The following TMEM232 variants were observed in gnomAD, a reference collection of about 807,000 sequenced individuals.
The protein encoded by TMEM232 is transmembrane protein 232.
In TMEM232, 80 loss-of-function variants were observed where a neutral mutation model predicts 78.8. The ratio of observed to expected loss-of-function variants is 1.01; its 90% CI spans 0.85 to 1.22. TMEM232 has a LOEUF of 1.22. TMEM232 is among the 50% of genes most tolerant of loss of function. The pLI is 0.00. For missense variants in TMEM232, 881 were observed against 742.2 expected (o/e 1.19, Z -2.17); for synonymous variants, 297 against 254.3 (o/e 1.17, Z -1.60).
intron 12 of TMEM232, among the ~76,000 whole-genome samples, chr5:110,528,352 G>T (rs1275400771): frequency 6.6e-6 from 1 of 151,558 alleles, no homozygotes; most frequent in African/African-American, 2.4e-5. Flanking sequence ...TACCTCACAA[G>T]AATTACATTA....
At chr5:110,538,725 G>T (rs1319414580) in intron 11 of TMEM232, among the ~76,000 whole-genome samples, 1 of 152,102 alleles carries the variant, frequency 6.6e-6, no homozygotes, top group East Asian at 1.9e-4. Flanking sequence ...GGGGCCTGGG[G>T]TCTTCCTCAC....
intron 1 of TMEM232, among the ~76,000 whole-genome samples, chr5:110,715,352 T>C (rs1404905573): frequency 1.3e-5 from 2 of 151,838 alleles, no homozygotes; most frequent in Admixed American, 6.6e-5. Flanking sequence ...CAAGCAAAAG[T>C]ATAGAGACTA....
chr5:110,519,847 T>C (rs1769237285), intron 12 of TMEM232, among the ~76,000 whole-genome samples: 2 of 150,106 alleles, frequency 1.3e-5, no homozygotes, highest in African/African-American at 4.9e-5. Flanking sequence ...GAGGATATTA[T>C]GTTAAATTAA....
chr5:110,706,630 T>C (rs1011102160), intron 1 of TMEM232, among the ~76,000 whole-genome samples: 4 of 152,142 alleles, frequency 2.6e-5, no homozygotes, highest in Non-Finnish European at 5.9e-5. Context: ...TCTCAAATTC[T>C]CAAGAATTAT....
At chr5:110,591,485 C>T (rs1461050379) in intron 10 of TMEM232, among the ~76,000 whole-genome samples, 1 of 152,120 alleles carries the variant, frequency 6.6e-6, no homozygotes, top group Non-Finnish European at 1.5e-5. Context: ...AAAAGAAATA[C>T]TTCCTCACCT....
chr5:110,595,830 G>A (rs1780090391), intron 10 of TMEM232, among the ~76,000 whole-genome samples: 1 of 152,144 alleles, frequency 6.6e-6, no homozygotes, highest in South Asian at 2.1e-4. Flanking sequence ...GGGGAGAATG[G>A]AACCAAGTTG....
Position 110,680,642 on chromosome 5 carries a change from A to C in TMEM232, c.-12-13278T>G, listed in dbSNP as rs547853192. The stretch of plus-strand genomic sequence containing the variant: ...TTCTAAAGCAGAAAACCTTCTCTAA[A>C]AAGAAGCTACATTAAAATTTAAACA... On this transcript the variant is annotated intron_variant, in intron 1 of 13. Transcript: ENST00000455884. Among the ~76,000 whole-genome samples, 3 of 152,254 alleles carry C rather than the reference A, an allele frequency of 2.0e-5. No individual in the cohort carries two copies. The South Asian group carries it at 6.2e-4, about 31-fold the overall frequency.
intron 11 of TMEM232, among the ~76,000 whole-genome samples, chr5:110,566,377 C>T (rs1776342050): frequency 6.6e-6 from 1 of 151,854 alleles, no homozygotes; most frequent in Non-Finnish European, 1.5e-5. Flanking sequence ...CAAATTTCTG[C>T]TGCAGGCTTG....
At chr5:110,503,881 CCTTGA>C (rs1163900627) in intron 12 of TMEM232, among the ~76,000 whole-genome samples, 2 of 152,122 alleles carry the variant, frequency 1.3e-5, no homozygotes, top group East Asian at 3.9e-4. Context: ...GACAATGATG[CCTTGA>C]CTTTTCTGTC....
intron 12 of TMEM232, among the ~76,000 whole-genome samples, chr5:110,454,710 G>A (rs1212656435): frequency 6.6e-6 from 1 of 151,866 alleles, no homozygotes; most frequent in Non-Finnish European, 1.5e-5. Context: ...ATAAAGGAAG[G>A]TGTGTAACAT....
chr5:110,551,602 C>T (rs957549541), intron 11 of TMEM232, among the ~76,000 whole-genome samples: 2 of 152,092 alleles, frequency 1.3e-5, no homozygotes, highest in African/African-American at 4.8e-5. Context: ...AACTTCATTG[C>T]AAAGAATTTT....
chr5:110,666,773 A>C lies in TMEM232; in HGVS notation c.125+455T>G, dbSNP rs921504722. On this transcript the variant is annotated intron_variant, in intron 2 of 13. Coordinates refer to ENST00000455884, the MANE Select transcript of TMEM232 (RefSeq NM_001039763.4). ...CAAGGATAGCACAGAAAACAACTAG[A>C]AAAAGTATATTATTTGTGACTGTAA... 2.6e-5 allele frequency: 4 copies of C among 152,896 alleles called. No homozygotes were observed. The Admixed American group carries it at 2.6e-4, about 10-fold the overall frequency. 9.5% of individuals were successfully genotyped at this position (152,896 alleles called of 1,614,324 possible). A position where few individuals can be genotyped will look rare whatever the true frequency, so the allele number is the denominator to read the frequency against.
intron 7 of TMEM232, among the ~76,000 whole-genome samples, chr5:110,620,197 A>G (rs1490626324): frequency 1.3e-5 from 2 of 152,182 alleles, no homozygotes; most frequent in Non-Finnish European, 2.9e-5. Flanking sequence ...AGAAATAAAA[A>G]GCATCCTCTC....
At chr5:110,721,269 A>G (rs914383171) in intron 1 of TMEM232, among the ~76,000 whole-genome samples, 5 of 152,130 alleles carry the variant, frequency 3.3e-5, no homozygotes, top group African/African-American at 9.7e-5. Flanking sequence ...TTTGTGTGAC[A>G]CCAATAAAAT....
Position 110,420,660 on chromosome 5 carries a change from C to T in TMEM232, c.1894G>A (p.Glu632Lys), listed in dbSNP as rs182807123. 1.3e-6 allele frequency: 2 copies of T among 1,526,038 alleles called. No individual in the cohort carries two copies. The highest frequency in any genetic ancestry group is 8.7e-7 in the Non-Finnish European group (1 of 1,143,578). The allele number at this position is 1,526,038 out of a possible 1,614,324, so 94.5% of individuals were successfully genotyped here. A position where few individuals can be genotyped will look rare whatever the true frequency, so the allele number is the denominator to read the frequency against. Residue 632 changes from glutamate to lysine, a missense_variant, in exon 14 of 14, where the codon GAA becomes AAA. By Grantham distance (56) the Glu-to-Lys change is moderately conservative (BLOSUM62 1). Transcript: ENST00000455884. ...KKLAEKNHFQ[E>K]VMKKREEKLH... Reference sequence around the variant, plus strand: ...TTCTCTTCTCTTTTCTTCATAACTTCTTGAAAGTGATTTTTCTCTGCTAAC... The same window carrying T: ...TTCTCTTCTCTTTTCTTCATAACTTTTTGAAAGTGATTTTTCTCTGCTAAC...
rs186652876 is a variant in TMEM232, at chr5:110,696,980, G to A, written c.-12-29616C>T. ...TTCATATGGAACCAGAAAAGAGCCC[G>A]CATTGCCAAGTCAATTCTGAGCCAA... is the stretch of plus-strand genomic sequence containing the variant. On this transcript the variant is annotated intron_variant, in intron 1 of 13. Transcript: ENST00000455884. Among the ~76,000 whole-genome samples the A allele has an allele frequency of 3.5e-3, 538 of 152,194 alleles. 4 individuals are homozygous for A. The highest frequency in any genetic ancestry group is 0.012 in the African/African-American group (512 of 41,534).
At chr5:110,459,833 A>G (rs1036796277) in intron 12 of TMEM232, among the ~76,000 whole-genome samples, 1 of 152,188 alleles carries the variant, frequency 6.6e-6, no homozygotes, top group African/African-American at 2.4e-5. Context: ...GATATGATAC[A>G]CTGAGAAGGA....
At chr5:110,505,019 C>T (rs1766707724) in intron 12 of TMEM232, among the ~76,000 whole-genome samples, 1 of 152,176 alleles carries the variant, frequency 6.6e-6, no homozygotes, top group Admixed American at 6.5e-5. Flanking sequence ...TACCTTCTTT[C>T]CTCCCAGGAG....
At chr5:110,612,142 C>G (rs755802422) in intron 8 of TMEM232, among the ~76,000 whole-genome samples, 1 of 152,088 alleles carries the variant, frequency 6.6e-6, no homozygotes, top group South Asian at 2.1e-4. Flanking sequence ...TTCAAAAGCT[C>G]TTTGAGGTTG....
Sources: gnomAD v4.1 joint callset for allele counts (sites outside exome capture counted in the v4.1 genomes callset) on GRCh38, gnomAD v4.1.1 for gene constraint, MANE v1.5 for transcripts, NCBI Gene and HGNC (gene_info 2026-07-23, HGNC 2026-07-21) for gene names.